Variants in CDH12 observed in about 807,000 individuals in gnomAD.
The protein encoded by CDH12 is cadherin 12, also known as cadherin-12.
Under a neutral mutation model 74.1 loss-of-function variants are expected in CDH12, and 41 were observed. The ratio of observed to expected loss-of-function variants is 0.55; its 90% CI spans 0.43 to 0.72. CDH12 has a LOEUF of 0.72. Ranked by LOEUF, CDH12 falls within the 30% of genes least tolerant of loss-of-function variation. The probability of loss-of-function intolerance (pLI) is 0.00; values close to 1 mark genes in which losing one functional copy is unlikely to be tolerated. For synonymous variants in CDH12, 399 were observed against 355.0 expected, an observed-to-expected ratio of 1.12 and a Z score of -1.39; for missense variants, 945 against 977.2, an observed-to-expected ratio of 0.97 and a Z score of 0.44.
chr5:22,183,397 A>T (rs1749753493), intron 4 of CDH12, among the ~76,000 whole-genome samples: 1 of 152,210 alleles, frequency 6.6e-6, no homozygotes, highest in Admixed American at 6.5e-5. Context: ...AAGAATCAGA[A>T]GTTATAGCAC....
chr5:22,714,965 C>T (rs189854356), intron 1 of CDH12, among the ~76,000 whole-genome samples: 1 of 152,128 alleles, frequency 6.6e-6, no homozygotes, highest in Admixed American at 6.5e-5. Context: ...GGCTGGAATA[C>T]TGGTGCATCT....
intron 1 of CDH12, among the ~76,000 whole-genome samples, chr5:22,788,820 G>T (rs941813712): frequency 5.3e-5 from 8 of 151,570 alleles, no homozygotes; most frequent in Admixed American, 4.6e-4. Flanking sequence ...GGAACCTGAA[G>T]ATGGATGTGG....
At chr5:22,509,742 A>G (rs1477073703) in intron 1 of CDH12, among the ~76,000 whole-genome samples, 1 of 152,204 alleles carries the variant, frequency 6.6e-6, no homozygotes, top group Non-Finnish European at 1.5e-5. Flanking sequence ...TCTGTCCACT[A>G]GTATTGGGAA....
chr5:22,017,480 T>G (rs1370271419), intron 5 of CDH12, among the ~76,000 whole-genome samples: 1 of 152,148 alleles, frequency 6.6e-6, no homozygotes. Flanking sequence ...TGCTCCCTTA[T>G]GTATATCAGA....
chr5:22,146,514 G>A (rs1341900374), intron 4 of CDH12, among the ~76,000 whole-genome samples: 2 of 152,048 alleles, frequency 1.3e-5, no homozygotes, highest in East Asian at 3.9e-4. Context: ...TTGGTAATGT[G>A]TTTAAAATAT....
At chr5:22,524,931 G>A (rs1813920) in intron 1 of CDH12, among the ~76,000 whole-genome samples, 1 of 151,314 alleles carries the variant, frequency 6.6e-6, no homozygotes, top group Non-Finnish European at 1.5e-5. Flanking sequence ...ATTTACATTA[G>A]GTATATCTCC....
chr5:22,194,300 TTTTC>T (rs1455700209), intron 4 of CDH12, among the ~76,000 whole-genome samples: 1 of 103,978 alleles, frequency 9.6e-6, no homozygotes, highest in Non-Finnish European at 2.2e-5. Flanking sequence ...TTACTTTTCT[TTTTC>T]TTTCTTTTTT....
intron 1 of CDH12, among the ~76,000 whole-genome samples, chr5:22,509,645 G>A (rs1220142180): frequency 3.3e-5 from 5 of 152,108 alleles, no homozygotes; most frequent in Non-Finnish European, 7.4e-5. Context: ...AACTAATAAT[G>A]AGCTGCTTAC....
chr5:22,834,410 A>G (rs1306251544), intron 1 of CDH12, among the ~76,000 whole-genome samples: 1 of 152,188 alleles, frequency 6.6e-6, no homozygotes, highest in Admixed American at 6.5e-5. Flanking sequence ...AAGGTTTGCA[A>G]GTAGAGTTCT....
At chr5:22,189,456 T>C (rs1339470481) in intron 4 of CDH12, among the ~76,000 whole-genome samples, 2 of 152,122 alleles carry the variant, frequency 1.3e-5, no homozygotes, top group African/African-American at 2.4e-5. Flanking sequence ...CATATAAATA[T>C]ATCAGATGCT....
intron 3 of CDH12, among the ~76,000 whole-genome samples, chr5:22,257,342 T>C (rs1292058110): frequency 1.3e-5 from 2 of 151,896 alleles, no homozygotes; most frequent in Non-Finnish European, 2.9e-5. Context: ...AAAATATAAG[T>C]TAAAAATTTA....
At chr5:22,376,127 G>T (rs1741511875) in intron 3 of CDH12, among the ~76,000 whole-genome samples, 1 of 152,156 alleles carries the variant, frequency 6.6e-6, no homozygotes, top group African/African-American at 2.4e-5. Context: ...CCATAAAAAT[G>T]AATAAAATCA....
chr5:22,463,180 C>T (rs1745587628), intron 2 of CDH12, among the ~76,000 whole-genome samples: 1 of 151,964 alleles, frequency 6.6e-6, no homozygotes, highest in South Asian at 2.1e-4. Context: ...ATATATTAAC[C>T]AACACTGTCA....
In CDH12 at chr5:21,764,364, A is replaced by G. The variant is rs184829111; in HGVS notation, c.1515+614T>C. 4.1e-3 allele frequency among the ~76,000 whole-genome samples: 628 copies of G among 151,856 alleles called. 5 individuals carry two copies. The highest frequency in any genetic ancestry group is 0.014 in the African/African-American group (580 of 41,396). ...ACTCCAGCCTGGGTGACAGAGCGAGACTCTGTCTCAAAATAAATAAATAAA... is the reference window on the plus strand; with the variant it reads ...ACTCCAGCCTGGGTGACAGAGCGAGGCTCTGTCTCAAAATAAATAAATAAA... On this transcript the variant is annotated intron_variant, in intron 12 of 14. Transcript: ENST00000382254.
chr5:22,323,975 A>G (rs1738987090), intron 3 of CDH12, among the ~76,000 whole-genome samples: 1 of 152,184 alleles, frequency 6.6e-6, no homozygotes, highest in Admixed American at 6.5e-5. Flanking sequence ...AATGTGAAAG[A>G]AATTATCTTA....
chr5:22,376,296 A>G (rs1741521930), intron 3 of CDH12, among the ~76,000 whole-genome samples: 1 of 152,108 alleles, frequency 6.6e-6, no homozygotes, highest in South Asian at 2.1e-4. Context: ...GATGCTGTGA[A>G]GGGTTTGTGT....
chr5:22,726,231 T>C (rs759212733), intron 1 of CDH12, among the ~76,000 whole-genome samples: 2 of 151,784 alleles, frequency 1.3e-5, no homozygotes, highest in Non-Finnish European at 3.0e-5. Flanking sequence ...TAGCAACCAT[T>C]GATCCTTTGA....
At chr5:22,551,465 C>T (rs1738567146) in intron 1 of CDH12, among the ~76,000 whole-genome samples, 1 of 152,078 alleles carries the variant, frequency 6.6e-6, no homozygotes. Flanking sequence ...GGTTGCTACC[C>T]AACCTTCACA....
chr5:22,378,117 C>T (rs1163938955), intron 3 of CDH12, among the ~76,000 whole-genome samples: 1 of 151,930 alleles, frequency 6.6e-6, no homozygotes, highest in Non-Finnish European at 1.5e-5. Flanking sequence ...GGTCTTTGGT[C>T]CTGAACCCAA....
Sources: gnomAD v4.1 joint callset for allele counts (sites outside exome capture counted in the v4.1 genomes callset) on GRCh38, gnomAD v4.1.1 for gene constraint, MANE v1.5 for transcripts, NCBI Gene and HGNC (gene_info 2026-07-23, HGNC 2026-07-21) for gene names.